Variants in CFTR observed in about 807,000 individuals in gnomAD.
CFTR encodes cystic fibrosis transmembrane conductance regulator.
In CFTR, 181 loss-of-function variants were observed where a neutral mutation model predicts 171.6. That is an observed-to-expected ratio of 1.05 (90% CI 0.93 to 1.19). The LOEUF (loss-of-function observed/expected upper bound fraction) is 1.19, where lower values mean the gene tolerates loss of function less well. Ranked by LOEUF, CFTR falls within the 50% of genes most tolerant of loss-of-function variation. The probability of loss-of-function intolerance (pLI) is 0.00; values close to 1 mark genes in which losing one functional copy is unlikely to be tolerated. For synonymous variants in CFTR, 583 were observed against 608.0 expected (o/e 0.96, Z 0.60); for missense variants, 1,968 against 1,734.7 (o/e 1.13, Z -2.39).
At chr7:117,633,145 A>G (rs546296261) in intron 22 of CFTR, among the ~76,000 whole-genome samples, 1 of 152,314 alleles carries the variant, frequency 6.6e-6, no homozygotes, top group Non-Finnish European at 1.5e-5. Flanking sequence ...CCTATTCATC[A>G]TTATGAAATA....
intron 24 of CFTR, among the ~76,000 whole-genome samples, chr7:117,655,468 T>C (rs1432730116): frequency 6.6e-6 from 1 of 152,176 alleles, no homozygotes; most frequent in Non-Finnish European, 1.5e-5. Flanking sequence ...ACCGTCCATA[T>C]TTCTGGGAAC....
chr7:117,499,463 T>TGTGTG, intron 1 of CFTR, among the ~76,000 whole-genome samples: 2 of 73,070 alleles, frequency 2.7e-5, no homozygotes, highest in South Asian at 3.8e-4. Flanking sequence ...GTGTGTGTGT[T>TGTGTG]TAAAAAATCA....
At chr7:117,625,207 T>C (rs1792634125) in intron 21 of CFTR, among the ~76,000 whole-genome samples, 1 of 152,154 alleles carries the variant, frequency 6.6e-6, no homozygotes, top group Non-Finnish European at 1.5e-5. Context: ...GCTATGCATA[T>C]TTGGGCATGC....
At chr7:117,546,177 A>G (rs951207779) in intron 9 of CFTR, among the ~76,000 whole-genome samples, 1 of 151,988 alleles carries the variant, frequency 6.6e-6, no homozygotes, top group African/African-American at 2.4e-5. Context: ...TATTTTTAGT[A>G]GAGACGGGGT....
chr7:117,506,032 A>G (rs974644808), intron 2 of CFTR, among the ~76,000 whole-genome samples: 2 of 152,010 alleles, frequency 1.3e-5, no homozygotes, highest in Non-Finnish European at 2.9e-5. Context: ...TTTGTTTATG[A>G]TGTATCCCCA....
intron 10 of CFTR, among the ~76,000 whole-genome samples, chr7:117,557,887 TA>T (rs1165060953): frequency 2.0e-5 from 3 of 152,168 alleles, no homozygotes; most frequent in Non-Finnish European, 2.9e-5. Context: ...CCTCCACAAA[TA>T]TTTTTTGAAT....
At chr7:117,575,640 A>C (rs1791758586) in intron 11 of CFTR, among the ~76,000 whole-genome samples, 1 of 152,102 alleles carries the variant, frequency 6.6e-6, no homozygotes, top group Non-Finnish European at 1.5e-5. Context: ...CTCATAAATG[A>C]CTTTGCCAAA....
intron 10 of CFTR, 130 bp from the exon 11 acceptor site, chr7:117,559,334 T>G (rs1386017196): frequency 1.4e-6 from 1 of 717,770 alleles, no homozygotes; most frequent in East Asian, 2.7e-5. Flanking sequence ...TTTTAAATAT[T>G]TTGAATCAAA....
At chr7:117,648,316 T>C (rs1793029301) in intron 23 of CFTR, among the ~76,000 whole-genome samples, 1 of 151,956 alleles carries the variant, frequency 6.6e-6, no homozygotes, top group Non-Finnish European at 1.5e-5. Context: ...TTGTTTGACA[T>C]CCAATGCTAA....
chr7:117,659,441 T>A (rs1793231525), intron 24 of CFTR, among the ~76,000 whole-genome samples: 1 of 152,238 alleles, frequency 6.6e-6, no homozygotes, highest in Non-Finnish European at 1.5e-5. Flanking sequence ...AAATATTGGT[T>A]GAATGAATAA....
chr7:117,636,957 C>T (rs560284376), intron 22 of CFTR, among the ~76,000 whole-genome samples: 1 of 150,732 alleles, frequency 6.6e-6, no homozygotes, highest in East Asian at 1.9e-4. Context: ...GCTGGGATTA[C>T]AGGTGCCTGC....
chr7:117,614,557 G>A (rs1258380701), intron 20 of CFTR, 56 bp from the exon 21 acceptor site: 14 of 1,107,972 alleles, frequency 1.3e-5, no homozygotes, highest in Admixed American at 8.5e-5. Context: ...GAATAAAGTC[G>A]TTCACAGAAG....
rs397508370 is a variant in CFTR at position 117,509,104 on chromosome 7, T to C, written c.235T>C (p.Trp79Arg). The C allele has an allele frequency of 3.1e-6, 5 of 1,610,536 alleles. No homozygotes were observed. The South Asian group carries it at 3.3e-5, about 11-fold the overall frequency. Residue 79 changes from tryptophan to arginine, a missense_variant, in exon 3 of 27, where the codon TGG becomes CGG. By Grantham distance (101) the Trp-to-Arg change is moderately radical. Coordinates refer to ENST00000003084, the MANE Select transcript of CFTR (RefSeq NM_000492.4). ...TAATGCCCTTCGGCGATGTTTTTTC[T>C]GGAGATTTATGTTCTATGGAATCTT... ...LINALRRCFF[W>R]RFMFYGIFLY...
chr7:117,571,267 C>G (rs965964424), intron 11 of CFTR, among the ~76,000 whole-genome samples: 3 of 152,132 alleles, frequency 2.0e-5, no homozygotes, highest in Admixed American at 1.3e-4. Flanking sequence ...ACTTACTTAC[C>G]AGGGAGCTGG....
intron 1 of CFTR, among the ~76,000 whole-genome samples, chr7:117,499,759 C>G (rs901586936): frequency 1.3e-5 from 2 of 151,574 alleles, no homozygotes; most frequent in South Asian, 4.2e-4. Flanking sequence ...AATTTGCAAC[C>G]AGCTTGGGCA....
chr7:117,658,185 C>T (rs1218863510), intron 24 of CFTR, among the ~76,000 whole-genome samples: 2 of 152,002 alleles, frequency 1.3e-5, no homozygotes, highest in Non-Finnish European at 2.9e-5. Context: ...TGGTGCCAAA[C>T]TGAAATTACC....
At chr7:117,568,861 C>G (rs192562666) in intron 11 of CFTR, among the ~76,000 whole-genome samples, 16 of 152,310 alleles carry the variant, frequency 1.1e-4, no homozygotes, top group Non-Finnish European at 7.3e-5. Flanking sequence ...TTCATCCTGC[C>G]TAACTAAAAC....
At chr7:117,641,561 C>T (rs1188295377) in intron 22 of CFTR, among the ~76,000 whole-genome samples, 3 of 152,126 alleles carry the variant, frequency 2.0e-5, no homozygotes, top group Non-Finnish European at 4.4e-5. Flanking sequence ...GTGCCACTAA[C>T]TGTCAGCCAG....
chr7:117,529,803 A>G (rs1170896438), intron 3 of CFTR, among the ~76,000 whole-genome samples: 1 of 152,184 alleles, frequency 6.6e-6, no homozygotes, highest in Non-Finnish European at 1.5e-5. Context: ...ATGAGGCAGA[A>G]TAATGCTTGG....
Sources: gnomAD v4.1 joint callset for allele counts (sites outside exome capture counted in the v4.1 genomes callset) on GRCh38, gnomAD v4.1.1 for gene constraint, MANE v1.5 for transcripts, NCBI Gene and HGNC (gene_info 2026-07-23, HGNC 2026-07-21) for gene names.